Variants in DNAJB1 observed in about 807,000 individuals in gnomAD.
DNAJB1 encodes dnaJ homolog subfamily B member 1.
In DNAJB1, 14 loss-of-function variants were observed where a neutral mutation model predicts 24.0. That is an observed-to-expected ratio of 0.58 (90% CI 0.39 to 0.91). The LOEUF (loss-of-function observed/expected upper bound fraction) is 0.91, where lower values mean the gene tolerates loss of function less well. Ranked by LOEUF, DNAJB1 falls within the 40% of genes least tolerant of loss-of-function variation. DNAJB1 has a pLI of 0.00. For missense variants in DNAJB1, 517 were observed against 458.1 expected, an observed-to-expected ratio of 1.13 and a Z score of -1.17; for synonymous variants, 262 against 174.4, an observed-to-expected ratio of 1.50 and a Z score of -3.96.
chr19:14,516,215 G>A lies in DNAJB1; in HGVS notation c.793-45C>T, dbSNP rs749685660. 8 of 1,604,908 alleles carry A rather than the reference G, an allele frequency of 5.0e-6. No homozygotes were observed. In the South Asian group the frequency reaches 5.5e-5, roughly 11 times the overall value. On this transcript the variant is annotated intron_variant, in intron 2 of 2. Coordinates refer to ENST00000254322, the MANE Select transcript of DNAJB1 (RefSeq NM_006145.3). ...GCATTAGATGGAAGCTGGCTCAAGA[G>A]GCTCAGCTCTTGCCCAGAGGCCGTC...
At chr19:14,520,521 G>A (rs1291323051), upstream of DNAJB1, among the ~76,000 whole-genome samples, 1 of 152,070 alleles carries the variant, frequency 6.6e-6, no homozygotes, top group Non-Finnish European at 1.5e-5. Context: ...CATCCAGCAG[G>A]CAGATCTGGT....
intron 1 of DNAJB1, among the ~76,000 whole-genome samples, chr19:14,546,672 T>C (rs890302605): frequency 6.6e-6 from 1 of 152,188 alleles, no homozygotes; most frequent in Non-Finnish European, 1.5e-5. Flanking sequence ...CTGAAATATT[T>C]CTTAAACATT....
chr19:14,529,975 T>G (rs1599397322), upstream of DNAJB1: 1 of 563,114 alleles, frequency 1.8e-6, no homozygotes, highest in Non-Finnish European at 3.2e-6. Context: ...CGCTTGCAGG[T>G]TCCTTGCAGC....
chr19:14,553,469 G>T (rs1020119910), upstream of DNAJB1, among the ~76,000 whole-genome samples: 1 of 152,144 alleles, frequency 6.6e-6, no homozygotes, highest in Non-Finnish European at 1.5e-5. Flanking sequence ...AGCCGCCCCC[G>T]GGTGCCACTG....
At position 14,516,299 on chromosome 19, in the gene DNAJB1, G is replaced by A. The variant is rs139202190; in HGVS notation, c.793-129C>T. ...TAAGACCTGGCCCCCAAATCTACAC[G>A]TCCCCACCACGAAAGCTCCACAACA... is the stretch of plus-strand genomic sequence containing the variant. On this transcript the variant is annotated intron_variant, in intron 2 of 2. Transcript: ENST00000254322. 9,489 of 1,277,744 alleles carry A rather than the reference G, an allele frequency of 7.4e-3. 62 individuals are homozygous for A. The highest frequency in any genetic ancestry group is 8.9e-3 in the Non-Finnish European group (8,209 of 926,604). 79.2% of individuals were successfully genotyped at this position (1,277,744 alleles called of 1,614,324 possible).
intron 2 of DNAJB1, among the ~76,000 whole-genome samples, chr19:14,523,908 GCCA>G (rs2072389596): frequency 6.6e-6 from 1 of 152,192 alleles, no homozygotes; most frequent in Non-Finnish European, 1.5e-5. Context: ...ACAGGCATAA[GCCA>G]CCATGTCTGG....
At chr19:14,551,560 G>A (rs1395615523), upstream of DNAJB1, among the ~76,000 whole-genome samples, 1 of 152,170 alleles carries the variant, frequency 6.6e-6, no homozygotes, top group Non-Finnish European at 1.5e-5. Flanking sequence ...TCAGCATTGA[G>A]GACGCGCCCC....
chr19:14,552,172 CTTTTTTTT>C (rs536176918), upstream of DNAJB1, among the ~76,000 whole-genome samples: 37 of 133,488 alleles, frequency 2.8e-4, no homozygotes, highest in Admixed American at 1.4e-3. Context: ...TTTCTTTTTT[CTTTTTTTT>C]TTTTTTTGAG....
chr19:14,522,683 G>GACACACAGACACAC (rs751484199), upstream of DNAJB1, among the ~76,000 whole-genome samples: 706 of 117,912 alleles, frequency 6.0e-3, 1 homozygote, highest in South Asian at 0.011. Flanking sequence ...CACACACACA[G>GACACACAGACACAC]ACACACACAC....
chr19:14,526,238 C>T (rs960220515), intron 2 of DNAJB1, among the ~76,000 whole-genome samples: 1 of 152,196 alleles, frequency 6.6e-6, no homozygotes. Context: ...TCAACAACGA[C>T]CCAACAGATC....
At chr19:14,518,509 C>A, upstream of DNAJB1, 1 of 530,676 alleles carries the variant, frequency 1.9e-6, no homozygotes, top group Non-Finnish European at 2.9e-6. Flanking sequence ...GGCCAATCGC[C>A]GCCGCCCTTT....
intron 1 of DNAJB1, 141 bp from the exon 2 acceptor site, chr19:14,517,187 T>A (rs1357132497): frequency 2.5e-6 from 2 of 789,750 alleles, no homozygotes; most frequent in African/African-American, 3.5e-5. Context: ...AACCCCAAGT[T>A]TCTACCTCTC....
At chr19:14,534,273 T>C (rs7259198), upstream of DNAJB1, among the ~76,000 whole-genome samples, 52,607 of 150,900 alleles carry the variant, frequency 0.35, 9,542 homozygotes, top group Non-Finnish European at 0.41. Context: ...TACAGGTGCC[T>C]GCCACCATGC....
chr19:14,533,199 TC>T (rs2072737419), upstream of DNAJB1, among the ~76,000 whole-genome samples: 1 of 151,898 alleles, frequency 6.6e-6, no homozygotes, highest in Non-Finnish European at 1.5e-5. Context: ...GGTGGGCAAA[TC>T]ATGTGAGGTC....
At chr19:14,516,300 T>A (rs929220628) in intron 2 of DNAJB1, 130 bp from the exon 3 acceptor site, 41 of 1,277,056 alleles carry the variant, frequency 3.2e-5, no homozygotes, top group Non-Finnish European at 4.1e-5. Context: ...AATCTACACG[T>A]CCCCACCACG....
chr19:14,556,413 A>AAAAAC (rs1555735954), intron 1 of DNAJB1, among the ~76,000 whole-genome samples: 43 of 86,632 alleles, frequency 5.0e-4, no homozygotes, highest in African/African-American at 1.2e-3. Flanking sequence ...TCTCTCAAAA[A>AAAAAC]AAAAACAAAA....
chr19:14,515,847 T>A lies in DNAJB1; in HGVS notation c.*93A>T. The A allele has an allele frequency of 2.6e-5, 30 of 1,171,396 alleles. No homozygotes were observed. The highest frequency in any genetic ancestry group is 3.3e-5 in the Non-Finnish European group (27 of 812,706). The allele number at this position is 1,171,396 out of a possible 1,614,324, so 72.6% of individuals were successfully genotyped here. On this transcript the variant is annotated 3_prime_UTR_variant, in exon 3 of 3. Transcript: ENST00000254322. ...CAGTACGAAAGCCCTCCCTGGGCCC[T>A]CCCACCCTCTCATGGTCCACAACTG...
intron 1 of DNAJB1, among the ~76,000 whole-genome samples, chr19:14,547,873 G>A (rs188570505): frequency 6.6e-6 from 1 of 150,830 alleles, no homozygotes; most frequent in East Asian, 2.0e-4. Context: ...TGTTGCCCAG[G>A]TTGGTCTTGG....
chr19:14,547,685 G>A (rs1169180437), intron 1 of DNAJB1, among the ~76,000 whole-genome samples: 1 of 150,088 alleles, frequency 6.7e-6, no homozygotes, highest in African/African-American at 2.5e-5. Context: ...TTGAGTCAGG[G>A]TCTCATTCTG....
Sources: allele counts gnomAD v4.1 joint callset (sites outside exome capture counted in the v4.1 genomes callset), GRCh38; gene constraint gnomAD v4.1.1; transcripts MANE v1.5; gene names NCBI Gene and HGNC (gene_info 2026-07-23, HGNC 2026-07-21).